Variants in SDK1 observed in about 807,000 individuals in gnomAD.
The protein encoded by SDK1 is protein sidekick-1.
SDK1 carries 157 observed loss-of-function variants against 245.5 expected under a neutral mutation model. The observed-to-expected ratio is 0.64, with a 90% CI of 0.56 to 0.73. The LOEUF (loss-of-function observed/expected upper bound fraction) is 0.73, where lower values mean the gene tolerates loss of function less well. Ranked by LOEUF, SDK1 falls within the 30% of genes least tolerant of loss-of-function variation. The pLI is 0.00. For synonymous variants in SDK1, 1,647 were observed against 1,278.5 expected, an observed-to-expected ratio of 1.29 and a Z score of -6.15; for missense variants, 3,583 against 3,002.3, an observed-to-expected ratio of 1.19 and a Z score of -4.52.
intron 14 of SDK1, among the ~76,000 whole-genome samples, chr7:3,990,281 C>A (rs1784195559): frequency 6.6e-6 from 1 of 152,230 alleles, no homozygotes; most frequent in Non-Finnish European, 1.5e-5. Context: ...CCTTCTCCCC[C>A]TTGCAGGGGC....
At chr7:3,527,628 C>T (rs899970589) in intron 1 of SDK1, among the ~76,000 whole-genome samples, 1 of 151,662 alleles carries the variant, frequency 6.6e-6, no homozygotes, top group African/African-American at 2.4e-5. Flanking sequence ...TGATAGTCAG[C>T]TAGGGGGTGA....
intron 1 of SDK1, among the ~76,000 whole-genome samples, chr7:3,335,456 G>C (rs563042859): frequency 6.7e-6 from 1 of 150,036 alleles, no homozygotes; most frequent in Non-Finnish European, 1.5e-5. Flanking sequence ...TAGACTATAA[G>C]CTTCATAGGT....
At chr7:3,903,445 C>T (rs997905475) in intron 5 of SDK1, among the ~76,000 whole-genome samples, 17 of 152,136 alleles carry the variant, frequency 1.1e-4, no homozygotes, top group Admixed American at 3.3e-4. Flanking sequence ...CGCGCCCGGC[C>T]GACAGTTTTT....
intron 22 of SDK1, among the ~76,000 whole-genome samples, chr7:4,084,756 T>G (rs1781326094): frequency 7.3e-6 from 1 of 136,440 alleles, no homozygotes; most frequent in South Asian, 2.1e-4. Context: ...TATATTTTAT[T>G]TTATTTTATT....
chr7:3,602,126 T>G (rs989911072), intron 1 of SDK1, among the ~76,000 whole-genome samples: 1 of 151,980 alleles, frequency 6.6e-6, no homozygotes, highest in African/African-American at 2.4e-5. Flanking sequence ...TGAATAGTGC[T>G]ACAATAAACA....
intron 5 of SDK1, among the ~76,000 whole-genome samples, chr7:3,880,013 A>T (rs1484414488): frequency 2.0e-5 from 3 of 152,134 alleles, no homozygotes; most frequent in Non-Finnish European, 4.4e-5. Flanking sequence ...CAATGGCTTT[A>T]TAATTTCCCT....
At chr7:4,129,002 GGAGGAGAGCACA>G (rs2128197818) in intron 26 of SDK1, among the ~76,000 whole-genome samples, 1 of 144,404 alleles carries the variant, frequency 6.9e-6, no homozygotes, top group South Asian at 2.3e-4. Flanking sequence ...GGGGTGCCCT[GGAGGAGAGCACA>G]GAGGACAGCA....
chr7:4,059,166 AAAAC>A (rs1322636248), intron 19 of SDK1, among the ~76,000 whole-genome samples: 1 of 152,210 alleles, frequency 6.6e-6, no homozygotes, highest in African/African-American at 2.4e-5. Flanking sequence ...AACAAAAACA[AAAAC>A]AAACCATGAC....
chr7:3,517,818 A>G (rs749864235), intron 1 of SDK1, among the ~76,000 whole-genome samples: 9 of 152,132 alleles, frequency 5.9e-5, no homozygotes, highest in Non-Finnish European at 1.0e-4. Context: ...ATTACATAAG[A>G]CCATTTTAAT....
rs533106713 is a variant in SDK1 at position 3,998,436 on chromosome 7, G to A, written c.2131+11114G>A. Among the ~76,000 whole-genome samples the A allele has an allele frequency of 3.3e-5, 5 of 152,326 alleles. No individual in the cohort carries two copies. In the East Asian group the frequency reaches 9.6e-4, roughly 29 times the overall value. On this transcript the variant is annotated intron_variant, in intron 14 of 44. Transcript: ENST00000404826. ...ACTTCTTAGGATTTTTTAAAATTAT[G>A]TAGGAAAATGTTTTATTTCTAAGCA...
At chr7:3,800,857 G>A (rs775875862) in intron 4 of SDK1, among the ~76,000 whole-genome samples, 17 of 152,120 alleles carry the variant, frequency 1.1e-4, no homozygotes, top group South Asian at 2.1e-4. Flanking sequence ...TTGGAAGCCC[G>A]GGTATACCAG....
intron 5 of SDK1, among the ~76,000 whole-genome samples, chr7:3,934,775 A>C (rs1355046575): frequency 6.6e-6 from 1 of 152,194 alleles, no homozygotes; most frequent in Non-Finnish European, 1.5e-5. Flanking sequence ...TGAGCTCAAC[A>C]AAGATGTACG....
chr7:3,586,683 C>T lies in SDK1; in HGVS notation c.299-32397C>T, dbSNP rs183549702. On this transcript the variant is annotated intron_variant, in intron 1 of 44. Coordinates refer to ENST00000404826, the MANE Select transcript of SDK1 (RefSeq NM_152744.4). ...TCGTGCCACTGCACTCCAGCCTGGGCGACTGAGCAAGACTCCGTCTCAAAA... is the reference window on the plus strand; with the variant it reads ...TCGTGCCACTGCACTCCAGCCTGGGTGACTGAGCAAGACTCCGTCTCAAAA... Among the ~76,000 whole-genome samples the T allele has an allele frequency of 2.7e-3, 389 of 142,504 alleles. 2 individuals carry two copies. Among genetic ancestry groups the T allele is most frequent in the African/African-American group, 9.4e-3 (357 of 37,994 alleles). 93.5% of individuals were successfully genotyped at this position (142,504 alleles called of 152,430 possible).
At chr7:4,076,629 G>A (rs941162604) in intron 20 of SDK1, among the ~76,000 whole-genome samples, 1 of 152,208 alleles carries the variant, frequency 6.6e-6, no homozygotes, top group Non-Finnish European at 1.5e-5. Context: ...TTCATAATTT[G>A]ACAAGAGAAG....
intron 4 of SDK1, among the ~76,000 whole-genome samples, chr7:3,707,136 A>G (rs1784914742): frequency 6.6e-6 from 1 of 152,154 alleles, no homozygotes; most frequent in South Asian, 2.1e-4. Flanking sequence ...TCCTTGAGAT[A>G]TGACATTAGA....
At position 4,147,971 on chromosome 7, in the gene SDK1, G is replaced by A. The variant is rs190164412; in HGVS notation, c.4424-1291G>A. Among the ~76,000 whole-genome samples the A allele has an allele frequency of 8.4e-3, 985 of 117,252 alleles. 14 individuals carry two copies. The highest frequency in any genetic ancestry group is 0.026 in the African/African-American group (851 of 32,456). The allele number at this position is 117,252 out of a possible 152,430, so 76.9% of individuals were successfully genotyped here. A position where few individuals can be genotyped will look rare whatever the true frequency, so the allele number is the denominator to read the frequency against. ...TCCCCGTGTCCTGCCCCACAGCCCC[G>A]CCCCACAGTCCCGCCCCACACTATG... On this transcript the variant is annotated intron_variant, in intron 29 of 44. Coordinates refer to ENST00000404826, the MANE Select transcript of SDK1 (RefSeq NM_152744.4).
intron 1 of SDK1, among the ~76,000 whole-genome samples, chr7:3,599,135 G>T (rs1781172470): frequency 2.8e-5 from 4 of 140,914 alleles, no homozygotes. Context: ...CCGGCATCTG[G>T]CGTTCTCGCT....
chr7:3,389,492 C>T (rs1432310872), intron 1 of SDK1, among the ~76,000 whole-genome samples: 1 of 152,176 alleles, frequency 6.6e-6, no homozygotes. Flanking sequence ...CCATCACCTT[C>T]ACTGTCATTC....
Position 4,245,672 on chromosome 7 carries a change from C to T in SDK1, c.6252-4C>T. The T allele has an allele frequency of 1.2e-6, 2 of 1,613,836 alleles. No individual in the cohort carries two copies. Among genetic ancestry groups the T allele is most frequent in the Non-Finnish European group, 8.5e-7 (1 of 1,179,854 alleles). ...GGTAATTGCAGCATGGGTCCTCATCCTAGGTCCCCACCCCGGCCTAGCCCC... is the reference window on the plus strand; with the variant it reads ...GGTAATTGCAGCATGGGTCCTCATCTTAGGTCCCCACCCCGGCCTAGCCCC... On this transcript the variant is annotated splice_region_variant and splice_polypyrimidine_tract_variant and intron_variant, in intron 43 of 44. Transcript: ENST00000404826.
Sources: gnomAD v4.1 joint callset for allele counts (sites outside exome capture counted in the v4.1 genomes callset) on GRCh38, gnomAD v4.1.1 for gene constraint, MANE v1.5 for transcripts, NCBI Gene and HGNC (gene_info 2026-07-23, HGNC 2026-07-21) for gene names.